The following RBFOX1 variants were observed in gnomAD, a reference collection of about 807,000 sequenced individuals.
RBFOX1 encodes the protein RNA binding fox-1 homolog 1.
In RBFOX1, 8 loss-of-function variants were observed where a neutral mutation model predicts 57.7. That is an observed-to-expected ratio of 0.14 (90% CI 0.08 to 0.25). RBFOX1 has a LOEUF of 0.25. RBFOX1 is among the 10% of genes least tolerant of loss of function. The pLI, the probability that RBFOX1 is intolerant of heterozygous loss-of-function variation, is 1.00. For synonymous variants in RBFOX1, 326 were observed against 222.4 expected (o/e 1.47, Z -4.15); for missense variants, 611 against 548.5 (o/e 1.11, Z -1.14).
chr16:6,951,494 G>T (rs2080753165), intron 3 of RBFOX1, among the ~76,000 whole-genome samples: 1 of 152,114 alleles, frequency 6.6e-6, no homozygotes, highest in Admixed American at 6.6e-5. Context: ...GTCTGGGGTG[G>T]TTTTTTACTC....
chr16:5,746,842 G>C (rs1448443593), intron 3 of RBFOX1, among the ~76,000 whole-genome samples: 1 of 152,232 alleles, frequency 6.6e-6, no homozygotes, highest in Non-Finnish European at 1.5e-5. Flanking sequence ...ATTTTGGGCT[G>C]AGATGGTGGG....
At chr16:7,011,355 A>T (rs560463962) in intron 3 of RBFOX1, among the ~76,000 whole-genome samples, 2 of 152,200 alleles carry the variant, frequency 1.3e-5, no homozygotes, top group Admixed American at 1.3e-4. Flanking sequence ...CAATTTGCCA[A>T]GGTCTTAAAG....
chr16:6,885,870 G>C (rs2063897949), intron 3 of RBFOX1, among the ~76,000 whole-genome samples: 1 of 152,066 alleles, frequency 6.6e-6, no homozygotes, highest in Admixed American at 6.5e-5. Context: ...TTCTAGAAAT[G>C]GATACTGTTT....
intron 2 of RBFOX1, among the ~76,000 whole-genome samples, chr16:6,342,653 C>G (rs2084741775): frequency 6.6e-6 from 1 of 152,194 alleles, no homozygotes; most frequent in South Asian, 2.1e-4. Context: ...TCAGAATGCA[C>G]ATTCCTGTCC....
chr16:5,825,857 ATGAATAAGGAATAATATT>A (rs2056025156), intron 3 of RBFOX1, among the ~76,000 whole-genome samples: 1 of 130,404 alleles, frequency 7.7e-6, no homozygotes, highest in Admixed American at 8.1e-5. Flanking sequence ...ATTCCGTAAT[ATGAATAAGGAATAATATT>A]CCGTAATATG....
intron 4 of RBFOX1, among the ~76,000 whole-genome samples, chr16:7,192,991 T>C (rs547391567): frequency 5.9e-5 from 9 of 152,322 alleles, no homozygotes; most frequent in South Asian, 4.1e-4. Flanking sequence ...TTGGACAAGG[T>C]GGTAGGCAAA....
Position 6,133,755 on chromosome 16 carries a change from G to C in RBFOX1, c.-127+113763G>C, listed in dbSNP as rs76118622. On this transcript the variant is annotated intron_variant, in intron 1 of 15. Transcript: ENST00000550418. The stretch of plus-strand genomic sequence containing the variant: ...GAAAGATTTATTCCTTACAGTTGCT[G>C]AAACACACCCTGGTCTATCCTGCCA... Among the ~76,000 whole-genome samples, 36 of 152,124 alleles carry C rather than the reference G, an allele frequency of 2.4e-4. No homozygotes were observed. The East Asian group carries it at 6.8e-3, about 29-fold the overall frequency.
At chr16:6,400,917 G>A (rs1304740973) in intron 2 of RBFOX1, among the ~76,000 whole-genome samples, 1 of 152,168 alleles carries the variant, frequency 6.6e-6, no homozygotes, top group African/African-American at 2.4e-5. Flanking sequence ...AGCATTGATA[G>A]TACCTGATGG....
At chr16:6,525,455 A>T (rs1005313504) in intron 2 of RBFOX1, among the ~76,000 whole-genome samples, 1 of 152,218 alleles carries the variant, frequency 6.6e-6, no homozygotes, top group Non-Finnish European at 1.5e-5. Context: ...TTAAAAGTCA[A>T]TGAAGATGTT....
Position 6,213,282 on chromosome 16 carries a change from G to T in RBFOX1, c.-126-103713G>T, listed in dbSNP as rs565642298. ...TTCTTTCTAGGTGGCTTTGTCATAGGCTGTCATGCTTCATTGAGGTATCAG... is the reference window on the plus strand; with the variant it reads ...TTCTTTCTAGGTGGCTTTGTCATAGTCTGTCATGCTTCATTGAGGTATCAG... On this transcript the variant is annotated intron_variant, in intron 1 of 15. Coordinates refer to ENST00000550418, the MANE Select transcript of RBFOX1 (RefSeq NM_018723.4). 3.9e-5 allele frequency among the ~76,000 whole-genome samples: 6 copies of T among 152,170 alleles called. No homozygotes were observed. The South Asian group carries it at 1.2e-3, about 32-fold the overall frequency.
At chr16:7,698,209 T>TGTGTGTGTGC (rs2079437626) in intron 14 of RBFOX1, among the ~76,000 whole-genome samples, 1 of 141,042 alleles carries the variant, frequency 7.1e-6, no homozygotes, top group Admixed American at 7.4e-5. Context: ...TGTGTGTGTG[T>TGTGTGTGTGC]GTGTGTATAA....
rs1350927700 is a variant in RBFOX1 at position 7,403,727 on chromosome 16, G to A, written c.28-114420G>A. On this transcript the variant is annotated intron_variant, in intron 4 of 15. Transcript: ENST00000550418. Reference sequence around the variant, plus strand: ...ACTCCATGTGAATTTTGTATTTTTAGTAGAGACAGGGTTTCACCATGTTGG... The same window carrying A: ...ACTCCATGTGAATTTTGTATTTTTAATAGAGACAGGGTTTCACCATGTTGG... 2.0e-5 allele frequency among the ~76,000 whole-genome samples: 3 copies of A among 151,946 alleles called. No homozygotes were observed. The South Asian group carries it at 6.2e-4, about 32-fold the overall frequency.
At chr16:6,315,210 C>T (rs531228872) in intron 1 of RBFOX1, among the ~76,000 whole-genome samples, 1 of 152,314 alleles carries the variant, frequency 6.6e-6, no homozygotes, top group Non-Finnish European at 1.5e-5. Flanking sequence ...GGTTGAGTGA[C>T]TTGGCCATGG....
At chr16:6,969,310 CG>C (rs1348586361) in intron 3 of RBFOX1, among the ~76,000 whole-genome samples, 2 of 152,044 alleles carry the variant, frequency 1.3e-5, no homozygotes, top group Admixed American at 6.6e-5. Context: ...CTATTTAGTG[CG>C]GGGTCAGGAT....
At chr16:7,059,112 A>G (rs1382253336) in intron 4 of RBFOX1, among the ~76,000 whole-genome samples, 1 of 152,224 alleles carries the variant, frequency 6.6e-6, no homozygotes. Flanking sequence ...GCTTAAACCC[A>G]TCGCCTTCAT....
chr16:6,767,914 CAATAATAATAAT>C (rs71408408), intron 3 of RBFOX1, among the ~76,000 whole-genome samples: 11,904 of 118,040 alleles, frequency 0.1, 691 homozygotes, highest in African/African-American at 0.13. Flanking sequence ...GACTCTATCT[CAATAATAATAAT>C]AATAATAATA....
chr16:7,314,812 C>A (rs1309174303), intron 4 of RBFOX1, among the ~76,000 whole-genome samples: 1 of 152,124 alleles, frequency 6.6e-6, no homozygotes, highest in East Asian at 1.9e-4. Context: ...TTGATGTGAT[C>A]TTTAAACAAA....
chr16:7,412,077 G>A (rs890648058), intron 4 of RBFOX1, among the ~76,000 whole-genome samples: 41 of 152,046 alleles, frequency 2.7e-4, no homozygotes, highest in Non-Finnish European at 2.9e-5. Flanking sequence ...GTAGTTAATC[G>A]TGATGTATTC....
intron 3 of RBFOX1, among the ~76,000 whole-genome samples, chr16:7,025,685 G>C (rs1035645970): frequency 6.6e-6 from 1 of 152,134 alleles, no homozygotes; most frequent in African/African-American, 2.4e-5. Flanking sequence ...AGAAGGCCTG[G>C]CCTGGCCTCT....
Sources: gnomAD v4.1 joint callset for allele counts (sites outside exome capture counted in the v4.1 genomes callset) on GRCh38, gnomAD v4.1.1 for gene constraint, MANE v1.5 for transcripts, NCBI Gene and HGNC (gene_info 2026-07-23, HGNC 2026-07-21) for gene names.